The following HUNK variants were observed in gnomAD, a reference collection of about 807,000 sequenced individuals.
HUNK encodes hormonally up-regulated neu tumor-associated kinase.
In HUNK, 21 loss-of-function variants were observed where a neutral mutation model predicts 61.0. The observed-to-expected ratio is 0.34, with a 90% CI of 0.24 to 0.50. HUNK has a LOEUF of 0.50. Ranked by LOEUF, HUNK falls within the 20% of genes least tolerant of loss-of-function variation. HUNK has a pLI of 0.98. For synonymous variants in HUNK, 371 were observed against 386.1 expected (o/e 0.96, Z 0.46); for missense variants, 772 against 945.7 (o/e 0.82, Z 2.41).
chr21:31,996,072 C>A, intron 10 of HUNK, 124 bp downstream of exon 10: 2 of 760,970 alleles, frequency 2.6e-6, no homozygotes, highest in Non-Finnish European at 4.2e-6. Flanking sequence ...CACAGAAAAG[C>A]AGGATTAATG....
chr21:31,985,475 C>T (rs753683900), intron 8 of HUNK, among the ~76,000 whole-genome samples: 10 of 152,098 alleles, frequency 6.6e-5, no homozygotes, highest in Non-Finnish European at 1.5e-4. Context: ...GGACTCTGTG[C>T]GAATGTGATG....
chr21:31,919,294 G>T (rs1021436053), intron 1 of HUNK, among the ~76,000 whole-genome samples: 2 of 152,112 alleles, frequency 1.3e-5, no homozygotes, highest in Non-Finnish European at 2.9e-5. Context: ...TCACCTCATT[G>T]CCTTGTCCTT....
chr21:31,909,362 C>T (rs979461651), intron 1 of HUNK, among the ~76,000 whole-genome samples: 5 of 152,172 alleles, frequency 3.3e-5, no homozygotes, highest in East Asian at 3.9e-4. Flanking sequence ...GGAGCCCAGG[C>T]GCAGAGGATC....
chr21:31,909,839 C>A (rs1165335366), intron 1 of HUNK, among the ~76,000 whole-genome samples: 1 of 152,234 alleles, frequency 6.6e-6, no homozygotes, highest in Non-Finnish European at 1.5e-5. Context: ...CACATCGTTT[C>A]TTTGGAAGAT....
chr21:31,934,356 T>C (rs1225911782), intron 2 of HUNK, among the ~76,000 whole-genome samples: 1 of 145,146 alleles, frequency 6.9e-6, no homozygotes, highest in South Asian at 2.1e-4. Context: ...GGCAGGAGAA[T>C]GGCATGAACC....
chr21:31,962,906 G>C (rs933497017), intron 5 of HUNK, among the ~76,000 whole-genome samples: 4 of 152,182 alleles, frequency 2.6e-5, no homozygotes, highest in Non-Finnish European at 5.9e-5. Context: ...AGATTATTTT[G>C]ATTACTCAGG....
At position 32,000,892 on chromosome 21, in the gene HUNK, G is replaced by A; in HGVS notation, c.*1708G>A. The A allele has an allele frequency of 2.5e-6, 1 of 397,438 alleles. No homozygotes were observed. Among genetic ancestry groups the A allele is most frequent in the Non-Finnish European group, 4.4e-6 (1 of 225,922 alleles). The allele number at this position is 397,438 out of a possible 1,614,324, so 24.6% of individuals were successfully genotyped here. On this transcript the variant is annotated 3_prime_UTR_variant, in exon 11 of 11. Coordinates refer to ENST00000270112, the MANE Select transcript of HUNK (RefSeq NM_014586.2). ...CCTAGGGGATCACCACGGCTCTAGGGCATTCTAGGATGAGGTCAGACCCCT... is the reference window on the plus strand; with the variant it reads ...CCTAGGGGATCACCACGGCTCTAGGACATTCTAGGATGAGGTCAGACCCCT...
chr21:31,890,386 G>A (rs2123792620), intron 1 of HUNK, among the ~76,000 whole-genome samples: 1 of 152,092 alleles, frequency 6.6e-6, no homozygotes, highest in African/African-American at 2.4e-5. Context: ...CCACCTCCGT[G>A]CCCAGCTAAT....
intron 1 of HUNK, among the ~76,000 whole-genome samples, chr21:31,891,889 A>C (rs557999834): frequency 6.6e-6 from 1 of 152,232 alleles, no homozygotes; most frequent in Non-Finnish European, 1.5e-5. Context: ...CCAGTGTTTC[A>C]TAGTTGTCTG....
chr21:31,874,215 G>A (rs1003241349), intron 1 of HUNK, among the ~76,000 whole-genome samples: 3 of 60 alleles, frequency 0.05, no homozygotes, highest in African/African-American at 0.17. Flanking sequence ...GAAGGGCGCC[G>A]CCTGGCGACA....
chr21:31,937,253 T>C (rs2052738696), intron 2 of HUNK, among the ~76,000 whole-genome samples: 1 of 152,178 alleles, frequency 6.6e-6, no homozygotes, highest in African/African-American at 2.4e-5. Context: ...AATAACAAAG[T>C]ACTAGTTAGA....
rs748814666 is a variant in HUNK, at chr21:31,983,004, C to A, written c.1174-522C>A. 8.6e-5 allele frequency among the ~76,000 whole-genome samples: 13 copies of A among 151,972 alleles called. 1 individual carries two copies. Among genetic ancestry groups the A allele is most frequent in the Non-Finnish European group, 4.4e-5 (3 of 67,978 alleles). ...TTTTACTAGAGACAGGGTTTCGCCA[C>A]GTTGGCCAGGCTGGTCTCGAACTCC... On this transcript the variant is annotated intron_variant, in intron 7 of 10. Coordinates refer to ENST00000270112, the MANE Select transcript of HUNK (RefSeq NM_014586.2).
intron 1 of HUNK, among the ~76,000 whole-genome samples, chr21:31,914,660 T>C (rs2052569980): frequency 6.6e-6 from 1 of 152,058 alleles, no homozygotes; most frequent in African/African-American, 2.4e-5. Flanking sequence ...GCGGGGTTGG[T>C]TTCTCCCAAG....
chr21:31,961,360 T>C (rs929783587), intron 5 of HUNK, among the ~76,000 whole-genome samples: 1 of 152,098 alleles, frequency 6.6e-6, no homozygotes, highest in African/African-American at 2.4e-5. Flanking sequence ...GCTGTAAACA[T>C]TCATGTTTAA....
chr21:31,942,928 A>T (rs972413874), intron 3 of HUNK, among the ~76,000 whole-genome samples: 1 of 152,150 alleles, frequency 6.6e-6, no homozygotes, highest in Non-Finnish European at 1.5e-5. Flanking sequence ...GTTAAGAAAG[A>T]ACCGCATTTC....
Position 31,974,562 on chromosome 21 carries a change from C to T in HUNK, c.1018C>T (p.Leu340=), listed in dbSNP as rs1601405744. 3 of 1,612,788 alleles carry T rather than the reference C, an allele frequency of 1.9e-6. No individual in the cohort carries two copies. Among genetic ancestry groups the T allele is most frequent in the African/African-American group, 2.7e-5 (2 of 74,968 alleles). The change falls in exon 7 of 11, where the codon CTG becomes TTG. Residue 340 remains leucine (L), a synonymous_variant. Transcript: ENST00000270112. ...CNVTYPNRIS[L]EDLSPSVVLH... ...TCTCTCTGCACCTCGCAGGATTTCT[C>T]TGGAAGATCTGAGCCCGAGCGTCGT...
intron 1 of HUNK, among the ~76,000 whole-genome samples, chr21:31,913,095 G>A (rs1263685339): frequency 4.6e-5 from 7 of 152,124 alleles, no homozygotes; most frequent in African/African-American, 1.7e-4. Flanking sequence ...GCCCAGCACT[G>A]TCCTAGGGTG....
chr21:31,923,523 G>C (rs560550100), intron 1 of HUNK, among the ~76,000 whole-genome samples: 1 of 137,218 alleles, frequency 7.3e-6, no homozygotes, highest in African/African-American at 2.6e-5. Context: ...GGGAAGGAGG[G>C]AGGAAGGGAG....
At chr21:31,892,156 A>T (rs1458606354) in intron 1 of HUNK, among the ~76,000 whole-genome samples, 6 of 111,964 alleles carry the variant, frequency 5.4e-5, no homozygotes, top group African/African-American at 1.7e-4. Context: ...GTTAAAAAAA[A>T]AAAAAAATAT....
Sources: gnomAD v4.1 joint callset for allele counts (sites outside exome capture counted in the v4.1 genomes callset) on GRCh38, gnomAD v4.1.1 for gene constraint, MANE v1.5 for transcripts, NCBI Gene and HGNC (gene_info 2026-07-23, HGNC 2026-07-21) for gene names.